Variants in LRRTM4 observed in about 807,000 individuals in gnomAD.
LRRTM4 encodes leucine-rich repeat transmembrane neuronal protein 4.
LRRTM4 carries 25 observed loss-of-function variants against 47.6 expected under a neutral mutation model. The ratio of observed to expected loss-of-function variants is 0.53; its 90% confidence interval spans 0.38 to 0.73. The LOEUF (loss-of-function observed/expected upper bound fraction) is 0.73. Ranked by LOEUF, LRRTM4 falls within the 30% of genes least tolerant of loss-of-function variation. LRRTM4 has a pLI of 0.00. For missense variants in LRRTM4, 638 were observed against 713.4 expected (o/e 0.89, Z 1.20); for synonymous variants, 311 against 269.5 (o/e 1.15, Z -1.51).
At chr2:77,245,501 G>C (rs1675416380) in intron 3 of LRRTM4, among the ~76,000 whole-genome samples, 1 of 125,342 alleles carries the variant, frequency 8.0e-6, no homozygotes, top group Non-Finnish European at 1.6e-5. Flanking sequence ...TTGGGATACA[G>C]AGCAAGACAC....
intron 3 of LRRTM4, among the ~76,000 whole-genome samples, chr2:77,184,794 G>A (rs139366562): frequency 2.7e-3 from 404 of 152,128 alleles, no homozygotes; most frequent in South Asian, 0.011. Flanking sequence ...TCAAATATTT[G>A]GTCCTATGCT....
intron 3 of LRRTM4, among the ~76,000 whole-genome samples, chr2:77,227,828 T>C (rs1000885787): frequency 6.6e-6 from 1 of 152,148 alleles, no homozygotes; most frequent in Non-Finnish European, 1.5e-5. Flanking sequence ...TTAATAAATA[T>C]AGTTTCTAGT....
At chr2:77,008,961 A>AC (rs985081250) in intron 3 of LRRTM4, 2 of 151,654 alleles carry the variant, frequency 1.3e-5, no homozygotes, top group African/African-American at 4.9e-5. Flanking sequence ...AGAAAAAAAA[A>AC]ACGATGAAAT....
intron 3 of LRRTM4, among the ~76,000 whole-genome samples, chr2:77,119,171 G>A (rs550283959): frequency 6.6e-6 from 1 of 151,698 alleles, no homozygotes; most frequent in African/African-American, 2.4e-5. Context: ...GCTCTCTTTT[G>A]TTAGTGGTAT....
chr2:77,047,461 C>A (rs1455677837), intron 3 of LRRTM4, among the ~76,000 whole-genome samples: 1 of 151,972 alleles, frequency 6.6e-6, no homozygotes, highest in African/African-American at 2.4e-5. Flanking sequence ...CTTCTGAGAG[C>A]TGTGAGGAAG....
At chr2:77,145,689 G>A (rs2103772403) in intron 3 of LRRTM4, among the ~76,000 whole-genome samples, 1 of 151,914 alleles carries the variant, frequency 6.6e-6, no homozygotes, top group African/African-American at 2.4e-5. Flanking sequence ...CAGGAGAATG[G>A]CGTGAACCCG....
chr2:77,296,265 A>C (rs965783126), intron 3 of LRRTM4, among the ~76,000 whole-genome samples: 2 of 152,234 alleles, frequency 1.3e-5, no homozygotes, highest in Non-Finnish European at 2.9e-5. Context: ...TCTCATAAGA[A>C]AACAAAATAG....
At chr2:77,250,993 T>C (rs2028351) in intron 3 of LRRTM4, among the ~76,000 whole-genome samples, 83,096 of 151,494 alleles carry the variant, frequency 0.55, 23,142 homozygotes, top group African/African-American at 0.6. Context: ...ATCCCAGTTA[T>C]TTGGAAGGCT....
chr2:76,843,366 A>G (rs192567179), intron 3 of LRRTM4, among the ~76,000 whole-genome samples: 3 of 152,220 alleles, frequency 2.0e-5, no homozygotes, highest in Admixed American at 1.3e-4. Flanking sequence ...TTTAAAAAAA[A>G]CTTCAGTTAT....
In LRRTM4 at chr2:76,747,924, T is replaced by G. The variant is rs955081691; in HGVS notation, c.*771A>C. 1.3e-5 allele frequency: 2 copies of G among 152,162 alleles called. No homozygotes were observed. Among genetic ancestry groups the G allele is most frequent in the Non-Finnish European group, 2.9e-5 (2 of 68,048 alleles). The allele number at this position is 152,162 out of a possible 1,614,324, so 9.4% of individuals were successfully genotyped here. On this transcript the variant is annotated 3_prime_UTR_variant, in exon 4 of 4. Transcript: ENST00000409884. ...TTCTGCTGGTCTTCTCATTCGGAGA[T>G]CTTCATGGCTCTCTCAGGCATCCTA...
chr2:77,385,485 C>A (rs1673224309), intron 3 of LRRTM4, among the ~76,000 whole-genome samples: 1 of 152,116 alleles, frequency 6.6e-6, no homozygotes. Flanking sequence ...TTAATTAACC[C>A]AGTCACTGAC....
At chr2:77,181,290 G>A (rs900508187) in intron 3 of LRRTM4, among the ~76,000 whole-genome samples, 4 of 152,106 alleles carry the variant, frequency 2.6e-5, no homozygotes, top group African/African-American at 9.7e-5. Context: ...TCATGTCTGA[G>A]GGTGAAGTAC....
At chr2:76,752,903 C>T (rs1303276248) in intron 3 of LRRTM4, among the ~76,000 whole-genome samples, 1 of 152,156 alleles carries the variant, frequency 6.6e-6, no homozygotes, top group Non-Finnish European at 1.5e-5. Flanking sequence ...CTCTATAGCA[C>T]AGCAGAACAA....
chr2:77,380,731 G>A (rs1411956519), intron 3 of LRRTM4, among the ~76,000 whole-genome samples: 1 of 151,804 alleles, frequency 6.6e-6, no homozygotes, highest in Non-Finnish European at 1.5e-5. Flanking sequence ...GGGAGGCAGA[G>A]GATGTAGTGA....
intron 3 of LRRTM4, among the ~76,000 whole-genome samples, chr2:77,210,218 T>C (rs1674253774): frequency 6.6e-6 from 1 of 152,182 alleles, no homozygotes; most frequent in South Asian, 2.1e-4. Flanking sequence ...CCTCATGATG[T>C]CTCTTTTTCA....
intron 3 of LRRTM4, among the ~76,000 whole-genome samples, chr2:76,873,065 G>A (rs1290790888): frequency 6.6e-6 from 1 of 152,004 alleles, no homozygotes; most frequent in Non-Finnish European, 1.5e-5. Flanking sequence ...AAATTACTCA[G>A]CCTAAGGCAT....
At chr2:77,014,107 T>C (rs1187462622) in intron 3 of LRRTM4, among the ~76,000 whole-genome samples, 1 of 152,144 alleles carries the variant, frequency 6.6e-6, no homozygotes, top group Non-Finnish European at 1.5e-5. Context: ...AGTATGAACA[T>C]GCACAGTTTT....
chr2:77,330,637 G>A (rs2104249523), intron 3 of LRRTM4, among the ~76,000 whole-genome samples: 1 of 152,224 alleles, frequency 6.6e-6, no homozygotes, highest in East Asian at 1.9e-4. Context: ...GCATATGCAT[G>A]TGTATATATG....
intron 3 of LRRTM4, among the ~76,000 whole-genome samples, chr2:77,304,258 T>C (rs1010496142): frequency 4.6e-5 from 7 of 152,186 alleles, no homozygotes; most frequent in African/African-American, 1.2e-4. Flanking sequence ...TTGAAAAATA[T>C]CTGTTTAGGT....
Sources: gnomAD v4.1 joint callset for allele counts (sites outside exome capture counted in the v4.1 genomes callset) on GRCh38, gnomAD v4.1.1 for gene constraint, MANE v1.5 for transcripts, NCBI Gene and HGNC (gene_info 2026-07-23, HGNC 2026-07-21) for gene names.